Variants in MTMR14 observed in about 807,000 individuals in gnomAD.
MTMR14 encodes myotubularin related protein 14.
A neutral mutation model predicts 86.3 loss-of-function variants in MTMR14; 48 were observed. That is an observed-to-expected ratio of 0.56 (90% CI 0.44 to 0.71). The LOEUF is 0.71. Ranked by LOEUF, MTMR14 falls within the 30% of genes least tolerant of loss-of-function variation. The pLI is 0.00. For missense variants in MTMR14, 780 were observed against 834.6 expected (o/e 0.93, Z 0.81); for synonymous variants, 366 against 326.1 (o/e 1.12, Z -1.32).
At chr3:9,695,636 A>G (rs1278848906) in intron 17 of MTMR14, among the ~76,000 whole-genome samples, 1 of 151,926 alleles carries the variant, frequency 6.6e-6, no homozygotes, top group African/African-American at 2.4e-5. Flanking sequence ...TGCCAGTGTT[A>G]CTCTTTGGCT....
intron 3 of MTMR14, among the ~76,000 whole-genome samples, chr3:9,663,541 T>C (rs1350571923): frequency 8.2e-6 from 1 of 121,656 alleles, no homozygotes; most frequent in Non-Finnish European, 1.7e-5. Context: ...GCAGCAGACA[T>C]CTTGCTCTGC....
chr3:9,697,624 C>T, intron 17 of MTMR14, 87 bp from the exon 18 acceptor site: 1 of 1,458,586 alleles, frequency 6.9e-7, no homozygotes, highest in Non-Finnish European at 9.4e-7. Context: ...GCAGCCAGGG[C>T]TGCGCTAGTC....
intron 2 of MTMR14, among the ~76,000 whole-genome samples, chr3:9,656,805 C>T (rs1279230770): frequency 6.6e-6 from 1 of 152,158 alleles, no homozygotes; most frequent in Non-Finnish European, 1.5e-5. Flanking sequence ...TTTTGCCTTG[C>T]CATTCTCTTC....
intron 5 of MTMR14, 100 bp from the exon 6 acceptor site, chr3:9,670,947 TG>T: frequency 1.3e-6 from 2 of 1,493,904 alleles, no homozygotes; most frequent in Non-Finnish European, 1.9e-6. Context: ...CCCCAGCTTC[TG>T]GAGAAGAGTG....
chr3:9,664,584 C>G (rs991509049), intron 3 of MTMR14, among the ~76,000 whole-genome samples: 6 of 152,088 alleles, frequency 3.9e-5, no homozygotes, highest in African/African-American at 4.8e-5. Context: ...ATAATGAGAT[C>G]CTGTCATTTG....
At chr3:9,681,167 CTGAATGAA>C (rs767479874) in intron 9 of MTMR14, among the ~76,000 whole-genome samples, 1 of 152,184 alleles carries the variant, frequency 6.6e-6, no homozygotes, top group African/African-American at 2.4e-5. Flanking sequence ...GTGAGGCTTA[CTGAATGAA>C]TGAATGAGTG....
In MTMR14 at chr3:9,701,737, C is replaced by G. The variant is rs1205341936; in HGVS notation, c.1770-53C>G. 1.3e-6 allele frequency: 2 copies of G among 1,597,712 alleles called. No individual in the cohort carries two copies. Among genetic ancestry groups the G allele is most frequent in the African/African-American group, 1.3e-5 (1 of 74,646 alleles). ...TATGGAGGGAGGGAGGATGAGGATA[C>G]TGGGTCCTGTCCCAGGGTAATGTCT... On this transcript the variant is annotated intron_variant, in intron 18 of 18. Transcript: ENST00000296003. This position sits in a 1 kb window ranked among gnomAD's most constrained non-coding sequence, Gnocchi z 4.2.
intron 3 of MTMR14, 144 bp downstream of exon 3, chr3:9,662,519 A>C (rs529689094): frequency 5.5e-6 from 4 of 731,762 alleles, no homozygotes; most frequent in Admixed American, 4.0e-5. Flanking sequence ...AGTCCAGAGA[A>C]ACAGACCAAT....
At position 9,702,101 on chromosome 3, in the gene MTMR14, A is replaced by T; in HGVS notation, c.*128A>T. ...TTTCAGTCCCCCATCTCCATCATGA[A>T]CATGGCAGCCCCAAAGCTGAGCAAG... On this transcript the variant is annotated 3_prime_UTR_variant, in exon 19 of 19. Coordinates refer to ENST00000296003, the MANE Select transcript of MTMR14 (RefSeq NM_001077525.3). The T allele has an allele frequency of 1.6e-6, 2 of 1,235,308 alleles. No individual in the cohort carries two copies. Among genetic ancestry groups the T allele is most frequent in the East Asian group, 2.4e-5 (1 of 40,970 alleles). The allele number at this position is 1,235,308 out of a possible 1,614,324, so 76.5% of individuals were successfully genotyped here.
intron 9 of MTMR14, among the ~76,000 whole-genome samples, chr3:9,679,224 C>G (rs1448299573): frequency 6.6e-6 from 1 of 152,172 alleles, no homozygotes; most frequent in East Asian, 1.9e-4. Context: ...CAGGTGTTTG[C>G]AAGAGAGGGA....
chr3:9,684,557 G>A (rs778381274), intron 10 of MTMR14, 28 bp from the exon 11 acceptor site: 3 of 1,612,000 alleles, frequency 1.9e-6, no homozygotes, highest in East Asian at 2.2e-5. Context: ...TTCTCTCCTG[G>A]GCATCCTCTC....
chr3:9,686,113 CCTT>C (rs1453581837), intron 13 of MTMR14, among the ~76,000 whole-genome samples: 1 of 152,194 alleles, frequency 6.6e-6, no homozygotes, highest in Non-Finnish European at 1.5e-5. Flanking sequence ...CGCACCTCCT[CCTT>C]TTGTTCCTCC....
chr3:9,651,690 G>T (rs1015106718), intron 1 of MTMR14, among the ~76,000 whole-genome samples: 10 of 151,974 alleles, frequency 6.6e-5, no homozygotes, highest in African/African-American at 2.4e-4. Context: ...TTTTCAGAAG[G>T]AGTCTCCCTC....
intron 5 of MTMR14, among the ~76,000 whole-genome samples, chr3:9,670,732 T>C (rs372058099): frequency 6.6e-6 from 1 of 152,250 alleles, no homozygotes; most frequent in African/African-American, 2.4e-5. Flanking sequence ...ACCAGCCTGC[T>C]GCATTTTAGA....
At chr3:9,655,471 T>TC (rs1375173025) in intron 2 of MTMR14, among the ~76,000 whole-genome samples, 2 of 43,146 alleles carry the variant, frequency 4.6e-5, no homozygotes, top group African/African-American at 3.6e-4. Context: ...CTTTTTTTTT[T>TC]TTTTTTTTTT....
rs187765495 is a variant in MTMR14 at position 9,653,161 on chromosome 3, G to A, written c.160-460G>A. 3.2e-4 allele frequency among the ~76,000 whole-genome samples: 49 copies of A among 152,314 alleles called. 1 individual carries two copies. The East Asian group carries it at 7.5e-3, about 23-fold the overall frequency. On this transcript the variant is annotated intron_variant, in intron 1 of 18. Transcript: ENST00000296003. ...GAGACAGGAGAATCGCTTGAACCCC[G>A]GACGCGGAGGCTGCAGTGAGCTGAG...
At chr3:9,673,492 T>G (rs2048684502) in intron 7 of MTMR14, among the ~76,000 whole-genome samples, 5 of 152,238 alleles carry the variant, frequency 3.3e-5, no homozygotes. Flanking sequence ...CTAACATCAG[T>G]GCAAGATGTT....
At position 9,653,751 on chromosome 3, in the gene MTMR14, C is replaced by G; in HGVS notation, c.290C>G (p.Ser97Cys). 2 of 1,614,140 alleles carry G rather than the reference C, an allele frequency of 1.2e-6. No homozygotes were observed. The highest frequency in any genetic ancestry group is 1.3e-5 in the African/African-American group (1 of 75,018). ...RHIVFLEYES[S>C]EKEKDTFEST... ...ATCGTGTTCCTGGAGTATGAGAGTTCTGAGAAGGAGAAAGACACGTGAGCA... is the reference window on the plus strand; with the variant it reads ...ATCGTGTTCCTGGAGTATGAGAGTTGTGAGAAGGAGAAAGACACGTGAGCA... Residue 97 changes from serine to cysteine, a missense_variant, in exon 2 of 19, where the codon TCT becomes TGT. Coordinates refer to ENST00000296003, the MANE Select transcript of MTMR14 (RefSeq NM_001077525.3).
chr3:9,666,391 C>T (rs2048258230), intron 3 of MTMR14, among the ~76,000 whole-genome samples: 1 of 152,130 alleles, frequency 6.6e-6, no homozygotes, highest in Non-Finnish European at 1.5e-5. Context: ...CTCTGGCCTC[C>T]CAAAGTGCTG....
Sources: gnomAD v4.1 joint callset for allele counts (sites outside exome capture counted in the v4.1 genomes callset) on GRCh38, gnomAD v4.1.1 for gene constraint, Gnocchi (gnomAD v3.1) non-coding constraint, MANE v1.5 for transcripts, NCBI Gene and HGNC (gene_info 2026-07-23, HGNC 2026-07-21) for gene names.